Variants in CADPS2 observed in about 807,000 individuals in gnomAD.
CADPS2 encodes the protein calcium dependent secretion activator 2.
In CADPS2, 93 loss-of-function variants were observed where a neutral mutation model predicts 172.5. The ratio of observed to expected loss-of-function variants is 0.54; its 90% CI spans 0.46 to 0.64. The LOEUF (loss-of-function observed/expected upper bound fraction) is 0.64, where lower values mean the gene tolerates loss of function less well. Among genes scored for constraint, CADPS2 ranks in the 30% least tolerant of loss-of-function variants. The pLI is 0.00. For synonymous variants in CADPS2, 546 were observed against 555.2 expected (o/e 0.98, Z 0.23); for missense variants, 1,420 against 1,565.9 (o/e 0.91, Z 1.57).
chr7:122,596,050 T>G (rs2071719947), intron 6 of CADPS2, among the ~76,000 whole-genome samples: 1 of 152,030 alleles, frequency 6.6e-6, no homozygotes, highest in African/African-American at 2.4e-5. Flanking sequence ...CCTGGTAATC[T>G]TCACAGGCCA....
At chr7:122,610,154 A>G (rs1475425319) in intron 6 of CADPS2, among the ~76,000 whole-genome samples, 1 of 151,196 alleles carries the variant, frequency 6.6e-6, no homozygotes, top group Non-Finnish European at 1.5e-5. Flanking sequence ...AGAGTAATAA[A>G]AAAAAAAAAG....
Position 122,814,361 on chromosome 7 carries a change from A to C in CADPS2, c.339+71638T>G, listed in dbSNP as rs576794148. Among the ~76,000 whole-genome samples, 10 of 152,182 alleles carry C rather than the reference A, an allele frequency of 6.6e-5. No homozygotes were observed. The East Asian group carries it at 1.9e-3, about 29-fold the overall frequency. ...AACAGATTTTTGATACATCAAATGG[A>C]TTACTCAGAGAAGCATCTGAATCAC... On this transcript the variant is annotated intron_variant, in intron 1 of 29. Coordinates refer to ENST00000449022, the MANE Select transcript of CADPS2 (RefSeq NM_017954.11).
intron 3 of CADPS2, among the ~76,000 whole-genome samples, chr7:122,656,954 A>G (rs907163835): frequency 7.2e-5 from 11 of 152,182 alleles, no homozygotes; most frequent in Non-Finnish European, 1.6e-4. Flanking sequence ...CTAACACTTA[A>G]GTCTTTAATC....
At chr7:122,341,505 T>G (rs2036787091) in intron 28 of CADPS2, among the ~76,000 whole-genome samples, 2 of 152,184 alleles carry the variant, frequency 1.3e-5, no homozygotes, top group South Asian at 4.1e-4. Flanking sequence ...TTTTTCAAAC[T>G]CACCCAGATA....
chr7:122,481,521 C>G (rs970361998), intron 11 of CADPS2, among the ~76,000 whole-genome samples: 8 of 151,408 alleles, frequency 5.3e-5, no homozygotes, highest in African/African-American at 1.9e-4. Flanking sequence ...GGGCAGATAA[C>G]CTGAGGTCAG....
intron 8 of CADPS2, among the ~76,000 whole-genome samples, chr7:122,531,072 G>A (rs187342226): frequency 6.6e-6 from 1 of 152,302 alleles, no homozygotes; most frequent in East Asian, 1.9e-4. Flanking sequence ...CAGCAATCTT[G>A]AGAGAGTACA....
At chr7:122,721,101 GA>G (rs991973338) in intron 2 of CADPS2, among the ~76,000 whole-genome samples, 2 of 151,868 alleles carry the variant, frequency 1.3e-5, no homozygotes, top group African/African-American at 4.8e-5. Flanking sequence ...ACACAAAAAG[GA>G]AAACTTAAAA....
intron 1 of CADPS2, among the ~76,000 whole-genome samples, chr7:122,740,931 G>A (rs189674160): frequency 1.3e-4 from 20 of 152,208 alleles, no homozygotes; most frequent in Admixed American, 9.8e-4. Context: ...AAAACTGTAT[G>A]AGAAGCCATT....
At chr7:122,809,757 T>C (rs1799621952) in intron 1 of CADPS2, among the ~76,000 whole-genome samples, 1 of 152,198 alleles carries the variant, frequency 6.6e-6, no homozygotes, top group Non-Finnish European at 1.5e-5. Context: ...ATTCTCGGGA[T>C]ATACAGAACC....
chr7:122,452,442 C>T (rs1486801839), intron 14 of CADPS2, among the ~76,000 whole-genome samples: 1 of 152,234 alleles, frequency 6.6e-6, no homozygotes, highest in East Asian at 1.9e-4. Context: ...GTTGCCCAGG[C>T]TGCAGTGCAA....
intron 2 of CADPS2, among the ~76,000 whole-genome samples, chr7:122,726,700 TTAC>T (rs2091123611): frequency 6.6e-6 from 1 of 150,690 alleles, no homozygotes; most frequent in Admixed American, 6.7e-5. Flanking sequence ...ATGGGATTAT[TTAC>T]TCTTAAAAAC....
intron 2 of CADPS2, among the ~76,000 whole-genome samples, chr7:122,712,251 C>T (rs564215464): frequency 3.0e-4 from 46 of 152,242 alleles, no homozygotes; most frequent in African/African-American, 1.1e-3. Flanking sequence ...TCCTACAGGA[C>T]CCAGTGCACT....
intron 1 of CADPS2, among the ~76,000 whole-genome samples, chr7:122,823,318 G>C (rs1803937543): frequency 6.6e-6 from 1 of 152,104 alleles, no homozygotes; most frequent in African/African-American, 2.4e-5. Flanking sequence ...CCACCTCTAT[G>C]AAATGTATAG....
At chr7:122,607,312 G>T (rs949367197) in intron 6 of CADPS2, among the ~76,000 whole-genome samples, 2 of 152,140 alleles carry the variant, frequency 1.3e-5, no homozygotes, top group Admixed American at 1.3e-4. Flanking sequence ...TATGGTATCT[G>T]CAAAGATGTC....
chr7:122,548,323 T>C (rs997021569), intron 8 of CADPS2, among the ~76,000 whole-genome samples: 6 of 152,026 alleles, frequency 3.9e-5, no homozygotes, highest in African/African-American at 1.4e-4. Context: ...CAGTGAGCTC[T>C]GTTCACACCA....
intron 3 of CADPS2, among the ~76,000 whole-genome samples, chr7:122,649,815 C>T (rs2078944651): frequency 6.6e-6 from 1 of 150,620 alleles, no homozygotes; most frequent in Non-Finnish European, 1.5e-5. Context: ...ATATTAATGC[C>T]TTGAGGGAAG....
chr7:122,841,609 C>G (rs1054594584), intron 1 of CADPS2, among the ~76,000 whole-genome samples: 1 of 152,118 alleles, frequency 6.6e-6, no homozygotes, highest in African/African-American at 2.4e-5. Flanking sequence ...TTTCCTCAAG[C>G]TTTGCCGCAA....
At chr7:122,633,762 G>A (rs2076797466) in intron 3 of CADPS2, among the ~76,000 whole-genome samples, 1 of 152,122 alleles carries the variant, frequency 6.6e-6, no homozygotes, top group African/African-American at 2.4e-5. Flanking sequence ...GGACATTCTT[G>A]TCATGTTCCA....
At chr7:122,864,507 C>A (rs76640208) in intron 1 of CADPS2, among the ~76,000 whole-genome samples, 1 of 151,960 alleles carries the variant, frequency 6.6e-6, no homozygotes, top group Admixed American at 6.6e-5. Context: ...ACCAAAAAAA[C>A]TTATGTCACA....
Sources: allele counts gnomAD v4.1 joint callset (sites outside exome capture counted in the v4.1 genomes callset), GRCh38; gene constraint gnomAD v4.1.1; transcripts MANE v1.5; gene names NCBI Gene and HGNC (gene_info 2026-07-23, HGNC 2026-07-21).